PCDHGA11: variants seen among roughly 807,000 people sequenced by gnomAD.
The protein encoded by PCDHGA11 is protocadherin gamma subfamily A, 11.
PCDHGA11 carries 39 observed loss-of-function variants against 60.4 expected under a neutral mutation model. The ratio of observed to expected loss-of-function variants is 0.65; its 90% CI spans 0.50 to 0.84. The LOEUF is 0.84. Among genes scored for constraint, PCDHGA11 ranks in the 40% least tolerant of loss-of-function variants. The pLI is 0.00. For missense variants in PCDHGA11, 1,165 were observed against 1,197.7 expected (o/e 0.97, Z 0.40); for synonymous variants, 533 against 510.3 (o/e 1.04, Z -0.60).
At chr5:141,494,644 G>A in intron 1 of PCDHGA11, 163 bp from the exon 2 acceptor site, 1 of 933,684 alleles carries the variant, frequency 1.1e-6, no homozygotes. Flanking sequence ...TGAGACCTGA[G>A]GTGTATTTTG....
At chr5:141,510,408 T>C (rs1447722710) in intron 3 of PCDHGA11, among the ~76,000 whole-genome samples, 1 of 151,878 alleles carries the variant, frequency 6.6e-6, no homozygotes, top group African/African-American at 2.4e-5. Flanking sequence ...GCTAGGGGCA[T>C]GTAAAGCCAT....
At chr5:141,440,551 T>C (rs1220901075) in intron 1 of PCDHGA11, 2 of 152,350 alleles carry the variant, frequency 1.3e-5, no homozygotes, top group East Asian at 1.9e-4. Context: ...GCAGGAATGT[T>C]ATTAAGTTAC....
chr5:141,491,901 G>C lies in PCDHGA11; in HGVS notation c.2434-2906G>C, dbSNP rs1196717010. 1 of 1,429,696 alleles carries C rather than the reference G, an allele frequency of 7.0e-7. No homozygotes were observed. The highest frequency in any genetic ancestry group is 9.3e-7 in the Non-Finnish European group (1 of 1,080,148). 88.6% of individuals were successfully genotyped at this position (1,429,696 alleles called of 1,614,324 possible). ...AAGGGATGGGGCTCCGAGCACCGGG[G>C]GTGGTGGCGACTGTGGGCGAGGGGA... On this transcript the variant is annotated intron_variant, in intron 1 of 3. Transcript: ENST00000398587. The surrounding 1 kb of genome is among the most constrained non-coding windows in gnomAD (Gnocchi z 6.9).
At position 141,481,468 on chromosome 5, in the gene PCDHGA11, G is replaced by A. The variant is rs575259839; in HGVS notation, c.2434-13339G>A. Among the ~76,000 whole-genome samples the A allele has an allele frequency of 2.6e-5, 4 of 152,332 alleles. No homozygotes were observed. In the South Asian group the frequency reaches 8.3e-4, roughly 32 times the overall value. On this transcript the variant is annotated intron_variant, in intron 1 of 3. Transcript: ENST00000398587. Reference sequence around the variant, plus strand: ...CATGTAAATACACTGAAAACCATTGGATTATACACTTTAAATATGTGATTT... The same window carrying A: ...CATGTAAATACACTGAAAACCATTGAATTATACACTTTAAATATGTGATTT...
At chr5:141,478,322 C>G (rs1360535508) in intron 1 of PCDHGA11, 28 of 1,613,976 alleles carry the variant, frequency 1.7e-5, no homozygotes, top group Non-Finnish European at 2.3e-5. Context: ...CTCACTGTAC[C>G]GAACACCAGG....
chr5:141,436,240 G>T (rs192988618), intron 1 of PCDHGA11, among the ~76,000 whole-genome samples: 1 of 152,082 alleles, frequency 6.6e-6, no homozygotes. Context: ...AGCTAACATG[G>T]TCTAATTATT....
intron 1 of PCDHGA11, among the ~76,000 whole-genome samples, chr5:141,473,126 A>C (rs2154571574): frequency 6.6e-6 from 1 of 152,356 alleles, no homozygotes; most frequent in South Asian, 2.1e-4. Flanking sequence ...GCTCTTTGGC[A>C]AACTATATTA....
At chr5:141,450,829 A>T (rs187691791) in intron 1 of PCDHGA11, among the ~76,000 whole-genome samples, 19,077 of 135,014 alleles carry the variant, frequency 0.14, 1,595 homozygotes, top group African/African-American at 0.24. Context: ...TATTATTATT[A>T]TTTTTTTTTT....
chr5:141,478,424 G>A, intron 1 of PCDHGA11: 2 of 1,613,686 alleles, frequency 1.2e-6, no homozygotes, highest in African/African-American at 1.3e-5. Context: ...CCGCCGCAGC[G>A]ACCCGCTGCT....
At chr5:141,488,691 G>A (rs1443084778) in intron 1 of PCDHGA11, among the ~76,000 whole-genome samples, 2 of 152,192 alleles carry the variant, frequency 1.3e-5, no homozygotes, top group Non-Finnish European at 2.9e-5. Flanking sequence ...CTCCCAGAAG[G>A]ACAAGATTTT....
At chr5:141,462,833 A>G (rs1488609568) in intron 1 of PCDHGA11, among the ~76,000 whole-genome samples, 1 of 152,082 alleles carries the variant, frequency 6.6e-6, no homozygotes, top group Non-Finnish European at 1.5e-5. Flanking sequence ...GACATTGTAA[A>G]TGTTATATTT....
chr5:141,473,219 G>A (rs1198994780), intron 1 of PCDHGA11, among the ~76,000 whole-genome samples: 2 of 151,864 alleles, frequency 1.3e-5, no homozygotes, highest in Non-Finnish European at 2.9e-5. Flanking sequence ...TTACTTCCAG[G>A]GAGATTGGAT....
rs1434955829 is a variant in PCDHGA11, at chr5:141,431,361, A to G, written c.2433+7701A>G. 3 of 1,614,002 alleles carry G rather than the reference A, an allele frequency of 1.9e-6. No homozygotes were observed. The highest frequency in any genetic ancestry group is 2.5e-6 in the Non-Finnish European group (3 of 1,180,034). On this transcript the variant is annotated intron_variant, in intron 1 of 3. Transcript: ENST00000398587. The surrounding 1 kb of genome is among the most constrained non-coding windows in gnomAD (Gnocchi z 4.8). ...GAATTGGTGCTGAAACGCGCCCTGG[A>G]CCGCGAAGAAAAGGCTGCTCACCAC...
At position 141,422,209 on chromosome 5, in the gene PCDHGA11, C is replaced by G. The variant is rs1463323983; in HGVS notation, c.982C>G (p.Leu328Val). The G allele has an allele frequency of 6.4e-7, 1 of 1,561,666 alleles. No individual in the cohort carries two copies. The highest frequency in any genetic ancestry group is 2.2e-5 in the East Asian group (1 of 44,606). ...MEIQGQDGGG[L>V]FTTTTMLITV... is the part of the protein sequence containing the mutation. ...AATTCAAGGCCAAGATGGTGGAGGT[C>G]TCTTTACCACCACGACGATGTTGAT... Residue 328 changes from leucine (L) to valine (V), a missense_variant, in exon 1 of 4, where the codon CTC becomes GTC. Coordinates refer to ENST00000398587, the MANE Select transcript of PCDHGA11 (RefSeq NM_018914.3).
chr5:141,482,752 T>C (rs1361016909), intron 1 of PCDHGA11, among the ~76,000 whole-genome samples: 1 of 127,096 alleles, frequency 7.9e-6, no homozygotes, highest in Non-Finnish European at 1.6e-5. Context: ...AGAGGGATTA[T>C]GGTATTTCAT....
intron 1 of PCDHGA11, among the ~76,000 whole-genome samples, chr5:141,464,525 A>G (rs919668801): frequency 3.3e-5 from 5 of 152,064 alleles, no homozygotes; most frequent in Non-Finnish European, 5.9e-5. Context: ...AGGCATATGT[A>G]GTTTTGTTAA....
Position 141,485,609 on chromosome 5 carries a change from G to C in PCDHGA11, c.2434-9198G>C, listed in dbSNP as rs1432367043. On this transcript the variant is annotated intron_variant, in intron 1 of 3. Coordinates refer to ENST00000398587, the MANE Select transcript of PCDHGA11 (RefSeq NM_018914.3). The surrounding 1 kb of genome is among the most constrained non-coding windows in gnomAD (Gnocchi z 5.7). ...GCTGGACTTGGAAATTGGGGAGGCA[G>C]CTCCTCCAGGACAGCGTTTCCCGTT... The C allele has an allele frequency of 1.2e-6, 2 of 1,612,138 alleles. No homozygotes were observed. Among genetic ancestry groups the C allele is most frequent in the Non-Finnish European group, 1.7e-6 (2 of 1,178,664 alleles).
At chr5:141,506,444 CAAA>C (rs1219684339) in intron 3 of PCDHGA11, among the ~76,000 whole-genome samples, 12 of 95,004 alleles carry the variant, frequency 1.3e-4, no homozygotes, top group Admixed American at 3.3e-4. Context: ...CGCTCTGTCT[CAAA>C]AAAAAAAAAA....
intron 1 of PCDHGA11, among the ~76,000 whole-genome samples, chr5:141,464,454 A>G (rs999305559): frequency 6.6e-6 from 1 of 151,542 alleles, no homozygotes; most frequent in Non-Finnish European, 1.5e-5. Context: ...TGTTGTTGTT[A>G]TTTTTGAAGT....
Sources: gnomAD v4.1 joint callset for allele counts (sites outside exome capture counted in the v4.1 genomes callset) on GRCh38, gnomAD v4.1.1 for gene constraint, Gnocchi (gnomAD v3.1) non-coding constraint, MANE v1.5 for transcripts, NCBI Gene and HGNC (gene_info 2026-07-23, HGNC 2026-07-21) for gene names.